Variants in KALRN observed in about 807,000 individuals in gnomAD.
The protein encoded by KALRN is kalirin RhoGEF kinase, also known as kalirin.
Under a neutral mutation model 353.7 loss-of-function variants are expected in KALRN, and 70 were observed. That is an observed-to-expected ratio of 0.20 (90% confidence interval 0.16 to 0.24). The LOEUF (loss-of-function observed/expected upper bound fraction) is 0.24, where lower values mean the gene tolerates loss of function less well. KALRN is among the 10% of genes least tolerant of loss of function. The pLI is 1.00. For missense variants in KALRN, 2,791 were observed against 3,756.7 expected (o/e 0.74, Z 6.72); for synonymous variants, 1,391 against 1,434.8 (o/e 0.97, Z 0.69).
chr3:124,289,730 T>C (rs541289623), intron 5 of KALRN, among the ~76,000 whole-genome samples: 2 of 152,366 alleles, frequency 1.3e-5, no homozygotes, highest in African/African-American at 2.4e-5. Flanking sequence ...TGTGGGATCT[T>C]AGCCAATTTA....
chr3:124,549,924 AG>A, intron 33 of KALRN, among the ~76,000 whole-genome samples: 1 of 152,158 alleles, frequency 6.6e-6, no homozygotes, highest in African/African-American at 2.4e-5. Context: ...ACAGACAAGT[AG>A]TGGAAGCTGG....
chr3:124,423,386 T>C (rs535794300), intron 15 of KALRN, among the ~76,000 whole-genome samples: 16 of 152,350 alleles, frequency 1.1e-4, no homozygotes, highest in African/African-American at 3.8e-4. Context: ...ACAAAGTTAA[T>C]ATTCAGTAAC....
chr3:124,620,928 G>C (rs561149604), intron 34 of KALRN, among the ~76,000 whole-genome samples: 1 of 152,220 alleles, frequency 6.6e-6, no homozygotes, highest in Non-Finnish European at 1.5e-5. Flanking sequence ...GAGCCAAAGC[G>C]TGGGGCCAGG....
chr3:124,343,521 A>G (rs1192362205), intron 9 of KALRN, among the ~76,000 whole-genome samples: 1 of 152,212 alleles, frequency 6.6e-6, no homozygotes, highest in Non-Finnish European at 1.5e-5. Context: ...GCAGCCCTTC[A>G]GTGGCTCTTA....
At chr3:124,561,408 A>G (rs1163893706) in intron 33 of KALRN, among the ~76,000 whole-genome samples, 1 of 152,196 alleles carries the variant, frequency 6.6e-6, no homozygotes, top group African/African-American at 2.4e-5. Flanking sequence ...GTGGTGATGC[A>G]TATTGCCAAC....
At chr3:124,436,541 G>A (rs1471000921) in intron 17 of KALRN, among the ~76,000 whole-genome samples, 1 of 151,478 alleles carries the variant, frequency 6.6e-6, no homozygotes, top group African/African-American at 2.4e-5. Flanking sequence ...ATCTTCTCAT[G>A]TGATGCTAGA....
chr3:124,552,238 C>T (rs532586524), intron 33 of KALRN, among the ~76,000 whole-genome samples: 19 of 152,304 alleles, frequency 1.2e-4, no homozygotes, highest in East Asian at 1.2e-3. Context: ...CTTCTGAACA[C>T]GAATCTGTAA....
chr3:124,660,934 A>G lies in KALRN; in HGVS notation c.6228A>G (p.Arg2076=). The change falls in exon 44 of 60, where the codon AGA becomes AGG. Residue 2076 remains arginine (R), a synonymous_variant. Transcript: ENST00000682506. The part of the protein sequence containing the change: ...KYQLLLKDFL[R]YSEKAGLECS... Reference sequence around the variant, plus strand: ...CCCCTACTTGTTAGGACTTCCTGAGATACAGTGAGAAGGCTGGTTTGGAGT... The same window carrying G: ...CCCCTACTTGTTAGGACTTCCTGAGGTACAGTGAGAAGGCTGGTTTGGAGT... 1 of 1,610,588 alleles carries G rather than the reference A, an allele frequency of 6.2e-7. No individual in the cohort carries two copies.
intron 1 of KALRN, among the ~76,000 whole-genome samples, chr3:124,040,790 A>G (rs1274830357): frequency 6.6e-6 from 1 of 152,202 alleles, no homozygotes; most frequent in Non-Finnish European, 1.5e-5. Context: ...AGCACAAGAA[A>G]TCCTAGTTAT....
chr3:124,288,119 C>T (rs183493406), intron 5 of KALRN, among the ~76,000 whole-genome samples: 170 of 152,164 alleles, frequency 1.1e-3, no homozygotes, highest in African/African-American at 3.8e-3. Flanking sequence ...AGGTAATCCA[C>T]CTGCCTTGGC....
intron 38 of KALRN, among the ~76,000 whole-genome samples, chr3:124,652,573 C>G (rs998130813): frequency 7.0e-4 from 106 of 152,148 alleles, no homozygotes; most frequent in African/African-American, 2.5e-3. Context: ...CTGGGAAAAG[C>G]CAGTCACTAC....
intron 51 of KALRN, among the ~76,000 whole-genome samples, chr3:124,681,408 T>C (rs746442955): frequency 3.3e-5 from 5 of 152,146 alleles, no homozygotes; most frequent in Non-Finnish European, 5.9e-5. Context: ...GCAAAGACAT[T>C]AGAATATTCG....
At chr3:124,130,286 T>A (rs2065130436) in intron 1 of KALRN, among the ~76,000 whole-genome samples, 1 of 152,200 alleles carries the variant, frequency 6.6e-6, no homozygotes, top group Non-Finnish European at 1.5e-5. Context: ...ATTTAGTATA[T>A]CTCTGAATAT....
chr3:124,408,014 C>T (rs959730166), intron 13 of KALRN, among the ~76,000 whole-genome samples: 1 of 152,118 alleles, frequency 6.6e-6, no homozygotes, highest in Admixed American at 6.5e-5. Flanking sequence ...ACCTCGTGAT[C>T]CGCCCGCCTC....
At chr3:124,088,784 TGA>T (rs1336627854) in intron 1 of KALRN, among the ~76,000 whole-genome samples, 2 of 152,224 alleles carry the variant, frequency 1.3e-5, no homozygotes, top group African/African-American at 4.8e-5. Flanking sequence ...ATAGAATTTA[TGA>T]GACTCAATTA....
chr3:124,571,848 G>A lies in KALRN; in HGVS notation c.5182+8759G>A, dbSNP rs531909343. Among the ~76,000 whole-genome samples the A allele has an allele frequency of 6.0e-3, 912 of 151,500 alleles. 9 individuals carry two copies. Among genetic ancestry groups the A allele is most frequent in the African/African-American group, 0.019 (791 of 41,320 alleles). ...TCGCCATGTTGCCCAGGCTGGTCTC[G>A]AACTCCTGAGCTCAAGCAATCTGCC... On this transcript the variant is annotated intron_variant, in intron 34 of 59. Coordinates refer to ENST00000682506, the MANE Select transcript of KALRN (RefSeq NM_001388419.1).
intron 13 of KALRN, among the ~76,000 whole-genome samples, chr3:124,405,887 G>T (rs905938072): frequency 2.0e-5 from 3 of 151,988 alleles, no homozygotes; most frequent in Non-Finnish European, 4.4e-5. Context: ...CTCGTGATCC[G>T]CCCGCCTCGG....
chr3:124,076,019 C>T (rs917912476), intron 1 of KALRN, among the ~76,000 whole-genome samples: 6 of 152,208 alleles, frequency 3.9e-5, no homozygotes, highest in African/African-American at 7.2e-5. Flanking sequence ...TCCTTCCACA[C>T]GCCATCTCGC....
intron 1 of KALRN, among the ~76,000 whole-genome samples, chr3:124,122,725 G>A (rs1402304827): frequency 1.3e-5 from 2 of 152,090 alleles, no homozygotes; most frequent in African/African-American, 4.8e-5. Flanking sequence ...CCTACCAGCT[G>A]TTTTCTCATC....
Sources: allele counts gnomAD v4.1 joint callset (sites outside exome capture counted in the v4.1 genomes callset), GRCh38; gene constraint gnomAD v4.1.1; transcripts MANE v1.5; gene names NCBI Gene and HGNC (gene_info 2026-07-23, HGNC 2026-07-21).